The following AGBL4 variants were observed in gnomAD, a reference collection of about 807,000 sequenced individuals.
AGBL4 encodes cytosolic carboxypeptidase 6.
AGBL4 carries 58 observed loss-of-function variants against 66.4 expected under a neutral mutation model. The ratio of observed to expected loss-of-function variants is 0.87; its 90% CI spans 0.71 to 1.09. The LOEUF is 1.09. AGBL4 is among the 50% of genes least tolerant of loss of function. AGBL4 has a pLI of 0.00. For missense variants in AGBL4, 579 were observed against 631.0 expected, an observed-to-expected ratio of 0.92 and a Z score of 0.88; for synonymous variants, 234 against 222.9, an observed-to-expected ratio of 1.05 and a Z score of -0.44.
At chr1:49,891,824 C>A (rs1304743694) in intron 1 of AGBL4, among the ~76,000 whole-genome samples, 1 of 152,166 alleles carries the variant, frequency 6.6e-6, no homozygotes, top group African/African-American at 2.4e-5. Context: ...CATTCCCATG[C>A]CACTATCCAT....
At chr1:49,659,534 C>T (rs1571274593) in intron 3 of AGBL4, among the ~76,000 whole-genome samples, 1 of 152,018 alleles carries the variant, frequency 6.6e-6, no homozygotes, top group South Asian at 2.1e-4. Context: ...AACCAACAAA[C>T]ATCAAAAAAT....
At chr1:49,741,350 T>C (rs947682872) in intron 2 of AGBL4, among the ~76,000 whole-genome samples, 1 of 151,908 alleles carries the variant, frequency 6.6e-6, no homozygotes, top group African/African-American at 2.4e-5. Flanking sequence ...GACTAAACCA[T>C]GAAGAAGTTG....
intron 5 of AGBL4, among the ~76,000 whole-genome samples, chr1:48,942,295 G>A (rs1189235960): frequency 7.5e-6 from 1 of 133,238 alleles, no homozygotes; most frequent in East Asian, 2.2e-4. Flanking sequence ...AGAGCCATAT[G>A]TTGAATTATT....
chr1:49,750,551 C>T (rs1450304129), intron 2 of AGBL4, among the ~76,000 whole-genome samples: 2 of 152,114 alleles, frequency 1.3e-5, no homozygotes, highest in African/African-American at 2.4e-5. Flanking sequence ...GTTCTATTTT[C>T]TTAGTATCTT....
At chr1:49,692,012 G>A (rs1646897789) in intron 3 of AGBL4, among the ~76,000 whole-genome samples, 1 of 152,012 alleles carries the variant, frequency 6.6e-6, no homozygotes, top group Non-Finnish European at 1.5e-5. Flanking sequence ...GATCTCATGA[G>A]ACTTAGTCAC....
At chr1:49,869,983 G>T (rs559412775) in intron 1 of AGBL4, among the ~76,000 whole-genome samples, 1 of 152,242 alleles carries the variant, frequency 6.6e-6, no homozygotes, top group African/African-American at 2.4e-5. Context: ...CATAATAAAT[G>T]AAATGATAAA....
At chr1:49,829,268 A>G (rs1645593847) in intron 2 of AGBL4, among the ~76,000 whole-genome samples, 1 of 152,206 alleles carries the variant, frequency 6.6e-6, no homozygotes. Flanking sequence ...TATAAAGATT[A>G]AAGATACGTA....
chr1:49,091,733 T>C (rs1437628590), intron 4 of AGBL4, among the ~76,000 whole-genome samples: 2 of 152,132 alleles, frequency 1.3e-5, no homozygotes, highest in Non-Finnish European at 2.9e-5. Flanking sequence ...TGCACGCATA[T>C]GTTTATCTCA....
intron 6 of AGBL4, chr1:48,776,521 G>C: frequency 4.2e-6 from 4 of 961,758 alleles, no homozygotes; most frequent in Non-Finnish European, 2.9e-6. Flanking sequence ...GGCTCCCCCC[G>C]GTCCCCTCCG....
intron 2 of AGBL4, among the ~76,000 whole-genome samples, chr1:49,832,312 C>A (rs1165679340): frequency 6.6e-6 from 1 of 150,930 alleles, no homozygotes; most frequent in South Asian, 2.1e-4. Flanking sequence ...CATGTCCCTA[C>A]AAAGGACATG....
At chr1:48,743,719 C>G (rs755616288) in intron 6 of AGBL4, among the ~76,000 whole-genome samples, 7 of 152,194 alleles carry the variant, frequency 4.6e-5, no homozygotes, top group Non-Finnish European at 8.8e-5. Context: ...CTTCTCTTAT[C>G]CTAGCCATGT....
intron 3 of AGBL4, among the ~76,000 whole-genome samples, chr1:49,364,622 C>T (rs186484606): frequency 9.2e-5 from 14 of 152,200 alleles, no homozygotes; most frequent in African/African-American, 3.1e-4. Flanking sequence ...GGCCTACAGA[C>T]GTGCACCACC....
chr1:49,146,366 A>G (rs1490175521), intron 4 of AGBL4, among the ~76,000 whole-genome samples: 1 of 152,156 alleles, frequency 6.6e-6, no homozygotes, highest in Non-Finnish European at 1.5e-5. Flanking sequence ...CATATACCCC[A>G]TAAATATATA....
chr1:49,933,995 A>G (rs1653654412), intron 1 of AGBL4, among the ~76,000 whole-genome samples: 1 of 152,158 alleles, frequency 6.6e-6, no homozygotes, highest in African/African-American at 2.4e-5. Flanking sequence ...ATCCAAGTAT[A>G]TGTTGTCTAC....
intron 4 of AGBL4, among the ~76,000 whole-genome samples, chr1:49,083,196 G>T (rs1251168795): frequency 1.3e-5 from 2 of 152,114 alleles, no homozygotes; most frequent in Non-Finnish European, 2.9e-5. Flanking sequence ...ACCATTCTGG[G>T]GTCTGGAGGA....
rs374328924 is a variant in AGBL4 at position 49,543,787 on chromosome 1, C to A, written c.282+153526G>T. Among the ~76,000 whole-genome samples the A allele has an allele frequency of 3.3e-4, 51 of 152,254 alleles. 1 individual carries two copies. In the South Asian group the frequency reaches 9.3e-3, roughly 28 times the overall value. The stretch of plus-strand genomic sequence containing the variant: ...CTGATTTGCTGGTGCCATAGTGTAG[C>A]CCAGAGTCCCTGGGCTTTGGGATAT... On this transcript the variant is annotated intron_variant, in intron 3 of 13. Coordinates refer to ENST00000371839, the MANE Select transcript of AGBL4 (RefSeq NM_032785.4).
At chr1:48,624,348 G>A (rs1645463953) in intron 9 of AGBL4, among the ~76,000 whole-genome samples, 1 of 152,208 alleles carries the variant, frequency 6.6e-6, no homozygotes, top group Non-Finnish European at 1.5e-5. Context: ...GTCAGATAAG[G>A]GAGCTACCAA....
At chr1:49,502,600 G>A (rs1485202964) in intron 3 of AGBL4, among the ~76,000 whole-genome samples, 2 of 152,078 alleles carry the variant, frequency 1.3e-5, no homozygotes, top group African/African-American at 4.8e-5. Flanking sequence ...GAACTTCCTA[G>A]AGAATTGTTG....
chr1:49,867,331 T>A (rs929939137), intron 1 of AGBL4, among the ~76,000 whole-genome samples: 1 of 148,120 alleles, frequency 6.8e-6, no homozygotes, highest in Non-Finnish European at 1.5e-5. Flanking sequence ...ATATATATAT[T>A]TATATATATA....
Sources: allele counts gnomAD v4.1 joint callset (sites outside exome capture counted in the v4.1 genomes callset), GRCh38; gene constraint gnomAD v4.1.1; transcripts MANE v1.5; gene names NCBI Gene and HGNC (gene_info 2026-07-23, HGNC 2026-07-21).